The following ADCY9 variants were observed in gnomAD, a reference collection of about 807,000 sequenced individuals.
The protein encoded by ADCY9 is adenylate cyclase 9, also known as adenylate cyclase type 9.
Under a neutral mutation model 101.5 loss-of-function variants are expected in ADCY9, and 50 were observed. That is an observed-to-expected ratio of 0.49 (90% confidence interval 0.39 to 0.62). The LOEUF (loss-of-function observed/expected upper bound fraction) is 0.62, where lower values mean the gene tolerates loss of function less well. ADCY9 is among the 20% of genes least tolerant of loss of function. The probability of loss-of-function intolerance (pLI) is 0.00; values close to 1 mark genes in which losing one functional copy is unlikely to be tolerated. For missense variants in ADCY9, 1,662 were observed against 1,800.4 expected (o/e 0.92, Z 1.39); for synonymous variants, 905 against 769.3 (o/e 1.18, Z -2.92).
intron 2 of ADCY9, among the ~76,000 whole-genome samples, chr16:4,107,326 G>T (rs1399121083): frequency 1.3e-5 from 2 of 152,086 alleles, no homozygotes; most frequent in African/African-American, 2.4e-5. Context: ...TGAGGCTGGT[G>T]GATCACCTGA....
At chr16:3,991,477 A>G (rs1283362948) in intron 5 of ADCY9, among the ~76,000 whole-genome samples, 2 of 152,070 alleles carry the variant, frequency 1.3e-5, no homozygotes, top group Non-Finnish European at 2.9e-5. Context: ...AAATGTTACC[A>G]TTAGGCCAGG....
intron 2 of ADCY9, among the ~76,000 whole-genome samples, chr16:4,084,027 T>C (rs1399462236): frequency 6.6e-6 from 1 of 152,214 alleles, no homozygotes; most frequent in Non-Finnish European, 1.5e-5. Flanking sequence ...TTTTGTGTTT[T>C]TCTTTTTGAC....
At chr16:3,991,839 G>T (rs890044944) in intron 5 of ADCY9, among the ~76,000 whole-genome samples, 1 of 151,548 alleles carries the variant, frequency 6.6e-6, no homozygotes, top group African/African-American at 2.4e-5. Flanking sequence ...GGAGGGTGGG[G>T]TAGGTGGATC....
chr16:4,109,134 T>C (rs1254380282), intron 2 of ADCY9, among the ~76,000 whole-genome samples: 3 of 152,196 alleles, frequency 2.0e-5, no homozygotes, highest in Non-Finnish European at 4.4e-5. Flanking sequence ...ATCCCCTTCC[T>C]GCTTTATGTT....
At chr16:4,029,408 T>C (rs536979113) in intron 2 of ADCY9, among the ~76,000 whole-genome samples, 178 of 152,234 alleles carry the variant, frequency 1.2e-3, no homozygotes, top group African/African-American at 4.0e-3. Flanking sequence ...TTGCCTCACA[T>C]ATAACTGACA....
chr16:3,954,150 C>T (rs891737778), intron 5 of ADCY9, among the ~76,000 whole-genome samples: 1 of 152,238 alleles, frequency 6.6e-6, no homozygotes, highest in African/African-American at 2.4e-5. Flanking sequence ...AGAGGCCCCA[C>T]TGACGCACCC....
At chr16:3,979,473 T>C (rs1276634270) in intron 7 of ADCY9, among the ~76,000 whole-genome samples, 198 bp from the exon 8 acceptor site, 2 of 152,248 alleles carry the variant, frequency 1.3e-5, no homozygotes, top group Non-Finnish European at 2.9e-5. Flanking sequence ...GCTTAGCTCA[T>C]TGTACCTGAT....
At chr16:4,066,074 C>T (rs147972273) in intron 2 of ADCY9, among the ~76,000 whole-genome samples, 13 of 152,298 alleles carry the variant, frequency 8.5e-5, no homozygotes, top group South Asian at 4.1e-4. Flanking sequence ...GGAACAGGGG[C>T]GCTTCTTCAC....
chr16:4,064,180 T>C (rs1164199007), intron 2 of ADCY9, among the ~76,000 whole-genome samples: 1 of 152,212 alleles, frequency 6.6e-6, no homozygotes, highest in Non-Finnish European at 1.5e-5. Context: ...ATAATTCCAT[T>C]TGTAATAGCA....
intron 8 of ADCY9, 39 bp downstream of exon 8, chr16:3,979,077 A>T (rs2056117266): frequency 6.2e-7 from 1 of 1,611,854 alleles, no homozygotes; most frequent in Non-Finnish European, 8.5e-7. Flanking sequence ...TAGGGAGTCC[A>T]GGAGAGCGTG....
intron 2 of ADCY9, among the ~76,000 whole-genome samples, chr16:4,101,722 G>C (rs1478827605): frequency 6.6e-6 from 1 of 151,562 alleles, no homozygotes; most frequent in Non-Finnish European, 1.5e-5. Context: ...AAACAAATGA[G>C]TTTACAGTAG....
In ADCY9 at chr16:3,963,603, G is replaced by A; in HGVS notation, c.*2172C>T. 1 of 360,104 alleles carries A rather than the reference G, an allele frequency of 2.8e-6. No individual in the cohort carries two copies. Among genetic ancestry groups the A allele is most frequent in the East Asian group, 4.0e-5 (1 of 24,996 alleles). 22.3% of individuals were successfully genotyped at this position (360,104 alleles called of 1,614,324 possible). A position where few individuals can be genotyped will look rare whatever the true frequency, so the allele number is the denominator to read the frequency against. Reference sequence around the variant, plus strand: ...GGGGTGAGGAATCACAAACACCTTTGTGGTTGGGGAAGGAAATGGGCTTGA... The same window carrying A: ...GGGGTGAGGAATCACAAACACCTTTATGGTTGGGGAAGGAAATGGGCTTGA... On this transcript the variant is annotated 3_prime_UTR_variant, in exon 11 of 11. Transcript: ENST00000294016.
rs891420250 is a variant in ADCY9, at chr16:3,992,911, G to A, written c.1989+495C>T. ...GAGGACGAGAGCCCGCGCCCCAGGT[G>A]AGTCGCCTGCATGAGCCCCCGCCGA... is the stretch of plus-strand genomic sequence containing the variant. On this transcript the variant is annotated intron_variant, in intron 4 of 10. Transcript: ENST00000294016. This position sits in a 1 kb window ranked among gnomAD's most constrained non-coding sequence, Gnocchi z 4.2. 2.0e-5 allele frequency among the ~76,000 whole-genome samples: 3 copies of A among 152,112 alleles called. No homozygotes were observed. The highest frequency in any genetic ancestry group is 7.2e-5 in the African/African-American group (3 of 41,424).
chr16:4,024,086 A>T (rs1257895886), intron 2 of ADCY9, among the ~76,000 whole-genome samples: 2 of 151,606 alleles, frequency 1.3e-5, no homozygotes, highest in Non-Finnish European at 2.9e-5. Context: ...GCAATGACAC[A>T]ATCTCGGCTC....
intron 2 of ADCY9, among the ~76,000 whole-genome samples, chr16:4,046,142 C>G (rs1017940403): frequency 1.3e-5 from 2 of 152,116 alleles, no homozygotes; most frequent in Admixed American, 6.6e-5. Context: ...TGAGCCACGG[C>G]ACCAGGTCTG....
chr16:4,057,890 A>G (rs527356741), intron 2 of ADCY9, among the ~76,000 whole-genome samples: 1 of 152,246 alleles, frequency 6.6e-6, no homozygotes, highest in South Asian at 2.1e-4. Context: ...GACTCTAAGA[A>G]GGAGAGTTGA....
At chr16:4,014,783 C>CTG (rs2056426847) in intron 2 of ADCY9, among the ~76,000 whole-genome samples, 1 of 149,826 alleles carries the variant, frequency 6.7e-6, no homozygotes, top group South Asian at 2.1e-4. Context: ...CACGCATTCT[C>CTG]TCTCTCTCTC....
chr16:4,007,376 T>C lies in ADCY9; in HGVS notation c.1876A>G (p.Asn626Asp), dbSNP rs1454288972. 5 of 1,570,262 alleles carry C rather than the reference T, an allele frequency of 3.2e-6. No homozygotes were observed. Among genetic ancestry groups the C allele is most frequent in the African/African-American group, 2.8e-5 (2 of 72,398 alleles). The change falls in exon 3 of 11, where the codon AAC (asparagine) becomes GAC (aspartate). Residue 626 changes from asparagine (N) to aspartate (D), a missense_variant. Physicochemically the swap from Asn to Asp is conservative, Grantham distance 23 (BLOSUM62 1). Around this residue, in one of 5 missense-constraint regions of ADCY9, gnomAD observed 624 missense variants for 639.1 expected, o/e 0.98. Transcript: ENST00000294016. ...DLAQTVKTFD[N>D]LKTCPSCGIT... Reference sequence around the variant, plus strand: ...AAAACAAAAAAACTAACCTTAAGGTTATCAAAGGTTTTGACAGTCTGCGCC... The same window carrying C: ...AAAACAAAAAAACTAACCTTAAGGTCATCAAAGGTTTTGACAGTCTGCGCC...
At chr16:4,060,193 G>C (rs960410359) in intron 2 of ADCY9, among the ~76,000 whole-genome samples, 3 of 152,198 alleles carry the variant, frequency 2.0e-5, no homozygotes, top group Non-Finnish European at 4.4e-5. Context: ...CTGCAATGCC[G>C]GTTGTGGCAA....
Sources: gnomAD v4.1 joint callset for allele counts (sites outside exome capture counted in the v4.1 genomes callset) on GRCh38, gnomAD v4.1.1 for gene constraint, gnomAD v4.1.1 regional missense constraint, Gnocchi (gnomAD v3.1) non-coding constraint, MANE v1.5 for transcripts, NCBI Gene and HGNC (gene_info 2026-07-23, HGNC 2026-07-21) for gene names.